Variants in PDE8A observed in about 807,000 individuals in gnomAD.
The protein encoded by PDE8A is phosphodiesterase 8A.
In PDE8A, 59 loss-of-function variants were observed where a neutral mutation model predicts 105.0. The ratio of observed to expected loss-of-function variants is 0.56; its 90% CI spans 0.46 to 0.70. The LOEUF (loss-of-function observed/expected upper bound fraction) is 0.70. Among genes scored for constraint, PDE8A ranks in the 30% least tolerant of loss-of-function variants. PDE8A has a pLI of 0.00. For missense variants in PDE8A, 1,014 were observed against 1,045.9 expected, an observed-to-expected ratio of 0.97 and a Z score of 0.42; for synonymous variants, 355 against 371.9, an observed-to-expected ratio of 0.95 and a Z score of 0.52.
intron 3 of PDE8A, among the ~76,000 whole-genome samples, chr15:85,073,764 G>A (rs544563948): frequency 1.5e-3 from 227 of 152,354 alleles, no homozygotes; most frequent in Admixed American, 2.8e-3. Flanking sequence ...GTTAGGATGA[G>A]TATTAGTCAG....
intron 11 of PDE8A, among the ~76,000 whole-genome samples, chr15:85,106,221 C>T (rs960318908): frequency 3.3e-5 from 5 of 151,990 alleles, no homozygotes; most frequent in Non-Finnish European, 7.4e-5. Flanking sequence ...GAAATGCTGT[C>T]GTCCTCCTCC....
At chr15:85,071,063 A>G (rs925074928) in intron 3 of PDE8A, among the ~76,000 whole-genome samples, 3 of 152,246 alleles carry the variant, frequency 2.0e-5, no homozygotes, top group African/African-American at 7.2e-5. Flanking sequence ...ACCCACAAAG[A>G]TAAGATGATA....
intron 15 of PDE8A, 63 bp from the exon 16 acceptor site, chr15:85,115,919 CAA>C (rs35865189): frequency 9.5e-3 from 11,135 of 1,171,048 alleles, no homozygotes; most frequent in East Asian, 0.027. Flanking sequence ...GATTCCGTCT[CAA>C]AAAAAAAAAA....
chr15:85,078,554 A>G, intron 5 of PDE8A, among the ~76,000 whole-genome samples: 2 of 126,718 alleles, frequency 1.6e-5, no homozygotes, highest in Non-Finnish European at 1.5e-5. Context: ...ATCTCAAAAA[A>G]AAAAAAAAAA....
intron 20 of PDE8A, among the ~76,000 whole-genome samples, 174 bp from the exon 21 acceptor site, chr15:85,136,360 G>A (rs1026107883): frequency 9.2e-5 from 14 of 152,180 alleles, no homozygotes; most frequent in Non-Finnish European, 1.6e-4. Flanking sequence ...TCCTCATTCT[G>A]AGAACTTGGT....
At chr15:84,990,045 C>G (rs766069910) in intron 1 of PDE8A, among the ~76,000 whole-genome samples, 2 of 152,114 alleles carry the variant, frequency 1.3e-5, no homozygotes, top group Admixed American at 6.5e-5. Flanking sequence ...GTATGTATAT[C>G]AAGTACTAGA....
intron 1 of PDE8A, among the ~76,000 whole-genome samples, chr15:85,041,240 C>G (rs748850780): frequency 6.6e-6 from 1 of 152,202 alleles, no homozygotes; most frequent in Non-Finnish European, 1.5e-5. Context: ...CAACCCCAAA[C>G]CTATTTCCTA....
At chr15:85,111,448 G>C (rs775913849) in intron 12 of PDE8A, among the ~76,000 whole-genome samples, 1 of 152,072 alleles carries the variant, frequency 6.6e-6, no homozygotes, top group African/African-American at 2.4e-5. Context: ...AATCCAACTC[G>C]TCTATCACCA....
intron 1 of PDE8A, among the ~76,000 whole-genome samples, chr15:85,037,152 C>A (rs1253928617): frequency 6.6e-6 from 1 of 151,452 alleles, no homozygotes; most frequent in Non-Finnish European, 1.5e-5. Flanking sequence ...TGCAACCTCT[C>A]CCTCCCGGGT....
At chr15:85,092,258 G>A (rs2081656796) in intron 8 of PDE8A, among the ~76,000 whole-genome samples, 1 of 152,084 alleles carries the variant, frequency 6.6e-6, no homozygotes, top group Non-Finnish European at 1.5e-5. Flanking sequence ...AGCCCTGCCA[G>A]GGGAATGACA....
chr15:85,065,288 C>T (rs2081204419), intron 2 of PDE8A, among the ~76,000 whole-genome samples: 1 of 131,996 alleles, frequency 7.6e-6, no homozygotes, highest in East Asian at 2.2e-4. Flanking sequence ...ACAATGAGAT[C>T]ACATGGACAC....
In PDE8A at chr15:85,115,106, A is replaced by C. The variant is rs562820590; in HGVS notation, c.1351-333A>C. On this transcript the variant is annotated intron_variant, in intron 14 of 21. Coordinates refer to ENST00000394553, the MANE Select transcript of PDE8A (RefSeq NM_002605.3). ...GAGCACAGTTGTCCCTAAGAAACCA[A>C]ATGGTCCTGGAGTGCAAGCAAGAAT... The C allele has an allele frequency of 2.2e-4, 60 of 274,672 alleles. No homozygotes were observed. In the South Asian group the frequency reaches 3.8e-3, roughly 17 times the overall value. 17.0% of individuals were successfully genotyped at this position (274,672 alleles called of 1,614,324 possible).
chr15:85,103,050 G>A (rs2081891141), intron 11 of PDE8A, among the ~76,000 whole-genome samples: 1 of 151,874 alleles, frequency 6.6e-6, no homozygotes, highest in South Asian at 2.1e-4. Flanking sequence ...GTGAAAACCT[G>A]TCTGTACCAA....
At position 84,989,484 on chromosome 15, in the gene PDE8A, GT is replaced by G. The variant is rs371776833; in HGVS notation, c.186+7138del. Among the ~76,000 whole-genome samples the G allele has an allele frequency of 2.6e-5, 4 of 152,192 alleles. No individual in the cohort carries two copies. The South Asian group carries it at 8.3e-4, about 31-fold the overall frequency. On this transcript the variant is annotated intron_variant, in intron 1 of 21. Coordinates refer to ENST00000394553, the MANE Select transcript of PDE8A (RefSeq NM_002605.3). ...CTGGTGGCACATCAGCAGTTCCCAG[GT>G]TGTCTGCAAAGGTTTGGTGTTGATG...
In PDE8A at chr15:85,114,064, C is replaced by G. The variant is rs1390601184; in HGVS notation, c.1350+27C>G. ...TAAGTATATTTGACTAGACTCTTGG[C>G]TAGAGCCTGTCTGTTCTTGGTTGTT... On this transcript the variant is annotated intron_variant, in intron 14 of 21. Coordinates refer to ENST00000394553, the MANE Select transcript of PDE8A (RefSeq NM_002605.3). The G allele has an allele frequency of 5.6e-6, 9 of 1,593,082 alleles. No homozygotes were observed. In the South Asian group the frequency reaches 7.8e-5, roughly 14 times the overall value.
chr15:85,054,972 C>T lies in PDE8A; in HGVS notation c.187-9398C>T, dbSNP rs368618297. Among the ~76,000 whole-genome samples, 7 of 152,154 alleles carry T rather than the reference C, an allele frequency of 4.6e-5. No homozygotes were observed. In the East Asian group the frequency reaches 9.6e-4, roughly 21 times the overall value. On this transcript the variant is annotated intron_variant, in intron 1 of 21. Transcript: ENST00000394553. Reference sequence around the variant, plus strand: ...TTACTGCTATAAATTTCCCTCTACACACTGCTTTAAATGTGTCCCAGAGAT... The same window carrying T: ...TTACTGCTATAAATTTCCCTCTACATACTGCTTTAAATGTGTCCCAGAGAT...
chr15:85,060,395 C>A (rs878926439), intron 1 of PDE8A, among the ~76,000 whole-genome samples: 1 of 152,064 alleles, frequency 6.6e-6, no homozygotes. Context: ...GTGGGTTCCA[C>A]GTCCATGGAT....
chr15:85,017,003 T>A (rs1011067418), intron 1 of PDE8A, among the ~76,000 whole-genome samples: 20 of 151,820 alleles, frequency 1.3e-4, no homozygotes, highest in Non-Finnish European at 2.4e-4. Context: ...GGCTCACGCC[T>A]GTAATCCCAG....
At chr15:85,038,922 GAC>G (rs1814204526) in intron 1 of PDE8A, among the ~76,000 whole-genome samples, 1 of 152,186 alleles carries the variant, frequency 6.6e-6, no homozygotes, top group Admixed American at 6.5e-5. Flanking sequence ...AGGAGTTTGA[GAC>G]CAGCCTGACC....
Sources: gnomAD v4.1 joint callset for allele counts (sites outside exome capture counted in the v4.1 genomes callset) on GRCh38, gnomAD v4.1.1 for gene constraint, MANE v1.5 for transcripts, NCBI Gene and HGNC (gene_info 2026-07-23, HGNC 2026-07-21) for gene names.